Variants in ANKFN1 observed in about 807,000 individuals in gnomAD.
The protein encoded by ANKFN1 is ankyrin repeat and fibronectin type-III domain-containing protein 1.
In ANKFN1, 74 loss-of-function variants were observed where a neutral mutation model predicts 108.7. The ratio of observed to expected loss-of-function variants is 0.68; its 90% CI spans 0.56 to 0.83. ANKFN1 has a LOEUF of 0.83. ANKFN1 is among the 40% of genes least tolerant of loss of function. ANKFN1 has a pLI of 0.00. For missense variants in ANKFN1, 1,505 were observed against 1,382.3 expected (o/e 1.09, Z -1.41); for synonymous variants, 547 against 516.2 (o/e 1.06, Z -0.81).
At chr17:56,086,625 T>A (rs1905318387) in intron 4 of ANKFN1, among the ~76,000 whole-genome samples, 1 of 151,200 alleles carries the variant, frequency 6.6e-6, no homozygotes, top group South Asian at 2.1e-4. Context: ...ACCTGAACCA[T>A]ATGTTGGAGA....
intron 4 of ANKFN1, among the ~76,000 whole-genome samples, chr17:56,100,070 G>A (rs1044032376): frequency 2.0e-5 from 3 of 152,208 alleles, no homozygotes; most frequent in Non-Finnish European, 4.4e-5. Context: ...TTAGATGCAA[G>A]TGAACCCCAC....
rs10598270 is a variant in ANKFN1, at chr17:56,133,528, C to CTGTGTG, written c.288+87243_288+87248dup. Among the ~76,000 whole-genome samples, 529 of 146,428 alleles carry CTGTGTG rather than the reference C, an allele frequency of 3.6e-3. 6 individuals carry two copies. The highest frequency in any genetic ancestry group is 4.8e-3 in the African/African-American group (190 of 39,766). On this transcript the variant is annotated intron_variant, in intron 4 of 12. Transcript: ENST00000635860. ...CTGATACCATTTGGGATGTGTATACCTGTGTGTGTGTGTGTGTGTGTGTGT... is the reference window on the plus strand; with the variant it reads ...CTGATACCATTTGGGATGTGTATACCTGTGTGTGTGTGTGTGTGTGTGTGTGTGTGT...
chr17:56,375,037 G>C (rs1022159015), intron 8 of ANKFN1, among the ~76,000 whole-genome samples: 2 of 152,166 alleles, frequency 1.3e-5, no homozygotes, highest in African/African-American at 4.8e-5. Flanking sequence ...TGAAGAATCA[G>C]ACTTGATCCA....
chr17:56,219,534 A>T (rs761587112), intron 2 of ANKFN1, among the ~76,000 whole-genome samples: 24 of 152,222 alleles, frequency 1.6e-4, no homozygotes, highest in Admixed American at 1.2e-3. Flanking sequence ...GGCATGAGCC[A>T]CTGTGGCCAA....
chr17:56,360,081 C>A lies in ANKFN1; in HGVS notation c.601+6035C>A, dbSNP rs74381949. The stretch of plus-strand genomic sequence containing the variant: ...CCCTCAAAGGACAAAGATTTGCAGC[C>A]AATAAGAATATGTAAAGAACAAGCC... On this transcript the variant is annotated intron_variant, in intron 6 of 20. Transcript: ENST00000682825. Among the ~76,000 whole-genome samples the A allele has an allele frequency of 7.8e-4, 118 of 152,218 alleles. 1 individual carries two copies. The South Asian group carries it at 0.013, about 17-fold the overall frequency.
At chr17:56,156,425 C>A (rs1027799513) in intron 1 of ANKFN1, 3 of 152,126 alleles carry the variant, frequency 2.0e-5, no homozygotes, top group Non-Finnish European at 4.4e-5. Flanking sequence ...ACATTATCTA[C>A]CTCAATGAGT....
intron 4 of ANKFN1, among the ~76,000 whole-genome samples, chr17:56,092,198 A>G (rs749898114): frequency 6.6e-6 from 1 of 151,138 alleles, no homozygotes; most frequent in Non-Finnish European, 1.5e-5. Flanking sequence ...AGGAACCAGT[A>G]AGGAATTTGC....
Position 56,492,426 on chromosome 17 carries a change from G to A in ANKFN1, c.2427+73G>A, listed in dbSNP as rs992667143. The stretch of plus-strand genomic sequence containing the variant: ...GTGGAAAGGGTGAAAAGCCAAGCAT[G>A]GGAAAGGACAGCAGTCCAGGCTGAT... On this transcript the variant is annotated intron_variant, in intron 19 of 20. Coordinates refer to ENST00000682825, the MANE Select transcript of ANKFN1 (RefSeq NM_001370326.1). The A allele has an allele frequency of 5.2e-4, 354 of 675,636 alleles. 2 individuals are homozygous for A. Among genetic ancestry groups the A allele is most frequent in the Non-Finnish European group, 7.6e-5 (28 of 366,162 alleles). The allele number at this position is 675,636 out of a possible 1,614,324, so 41.9% of individuals were successfully genotyped here. A position where few individuals can be genotyped will look rare whatever the true frequency, so the allele number is the denominator to read the frequency against.
At chr17:56,427,291 C>T (rs1303335119) in intron 8 of ANKFN1, among the ~76,000 whole-genome samples, 1 of 152,116 alleles carries the variant, frequency 6.6e-6, no homozygotes, top group Non-Finnish European at 1.5e-5. Flanking sequence ...ACTGGGAGTG[C>T]TCAGAGTAGG....
intron 16 of ANKFN1, 137 bp downstream of exon 16, chr17:56,477,791 G>T (rs1022116331): frequency 2.4e-5 from 21 of 863,300 alleles, no homozygotes; most frequent in Admixed American, 7.8e-5. Flanking sequence ...CCACACTGAA[G>T]TGGGGCAGAG....
At chr17:56,300,398 C>G (rs2044638860) in intron 3 of ANKFN1, among the ~76,000 whole-genome samples, 1 of 152,124 alleles carries the variant, frequency 6.6e-6, no homozygotes. Flanking sequence ...TCCACGTTGC[C>G]AAGTCCTTCT....
chr17:56,300,638 G>A (rs2144364846), intron 3 of ANKFN1, among the ~76,000 whole-genome samples: 1 of 149,488 alleles, frequency 6.7e-6, no homozygotes, highest in Admixed American at 6.7e-5. Context: ...AAGTCTCAAA[G>A]TCAGTAGTGA....
At chr17:56,136,633 C>T (rs1907615747) in intron 4 of ANKFN1, among the ~76,000 whole-genome samples, 1 of 152,134 alleles carries the variant, frequency 6.6e-6, no homozygotes, top group Non-Finnish European at 1.5e-5. Flanking sequence ...ACAGTGTGGG[C>T]AGAAGTTCCT....
At chr17:56,448,216 GGAA>G (rs2049359641) in intron 10 of ANKFN1, among the ~76,000 whole-genome samples, 1 of 151,932 alleles carries the variant, frequency 6.6e-6, no homozygotes, top group African/African-American at 2.4e-5. Flanking sequence ...CCTCCAGAAA[GGAA>G]AACTGGAGGA....
At chr17:56,456,684 C>T (rs1170909541) in intron 11 of ANKFN1, among the ~76,000 whole-genome samples, 177 bp from the exon 12 acceptor site, 1 of 151,954 alleles carries the variant, frequency 6.6e-6, no homozygotes, top group African/African-American at 2.4e-5. Flanking sequence ...GCGAGAGCCA[C>T]CGTGCCCGGC....
rs8066338 is a variant in ANKFN1, at chr17:56,184,345, G to T, written c.-70-28253G>T. On this transcript the variant is annotated intron_variant, in intron 1 of 20. Coordinates refer to ENST00000682825, the MANE Select transcript of ANKFN1 (RefSeq NM_001370326.1). ...TTCACCAGCAAAAAGGTTAAGACTTGCTGAAGACTCAGAGATGATTGTATG... is the reference window on the plus strand; with the variant it reads ...TTCACCAGCAAAAAGGTTAAGACTTTCTGAAGACTCAGAGATGATTGTATG... Among the ~76,000 whole-genome samples the T allele has an allele frequency of 3.9e-3, 590 of 152,280 alleles. 5 individuals are homozygous for T. Among genetic ancestry groups the T allele is most frequent in the African/African-American group, 0.014 (568 of 41,560 alleles).
At chr17:56,349,511 T>A (rs1424222651) in intron 4 of ANKFN1, among the ~76,000 whole-genome samples, 1 of 152,014 alleles carries the variant, frequency 6.6e-6, no homozygotes. Context: ...TTCAAAGGCA[T>A]GAGGATGAAA....
chr17:56,167,813 G>GGAGAGA (rs1910294538), intron 1 of ANKFN1, among the ~76,000 whole-genome samples: 1 of 152,058 alleles, frequency 6.6e-6, no homozygotes, highest in African/African-American at 2.4e-5. Context: ...AGGGGAAGAG[G>GGAGAGA]GAGAGAGAGT....
intron 1 of ANKFN1, among the ~76,000 whole-genome samples, chr17:56,166,069 T>C (rs925929538): frequency 2.6e-5 from 4 of 152,160 alleles, no homozygotes; most frequent in African/African-American, 7.2e-5. Flanking sequence ...CTACCAATAG[T>C]TCAAATGCAC....
Sources: allele counts gnomAD v4.1 joint callset (sites outside exome capture counted in the v4.1 genomes callset), GRCh38; gene constraint gnomAD v4.1.1; transcripts MANE v1.5; gene names NCBI Gene and HGNC (gene_info 2026-07-23, HGNC 2026-07-21).